SLC25A12: variants seen among roughly 807,000 people sequenced by gnomAD.
SLC25A12 encodes electrogenic aspartate/glutamate antiporter SLC25A12, mitochondrial.
A neutral mutation model predicts 83.3 loss-of-function variants in SLC25A12; 32 were observed. The observed-to-expected ratio is 0.38, with a 90% CI of 0.29 to 0.52. The LOEUF (loss-of-function observed/expected upper bound fraction) is 0.52, where lower values mean the gene tolerates loss of function less well. Among genes scored for constraint, SLC25A12 ranks in the 20% least tolerant of loss-of-function variants. The pLI, the probability that SLC25A12 is intolerant of heterozygous loss-of-function variation, is 0.84. For synonymous variants in SLC25A12, 267 were observed against 291.1 expected (o/e 0.92, Z 0.84); for missense variants, 611 against 835.6 (o/e 0.73, Z 3.31).
At chr2:171,807,446 CT>C (rs1441447543) in intron 13 of SLC25A12, among the ~76,000 whole-genome samples, 4 of 152,190 alleles carry the variant, frequency 2.6e-5, no homozygotes, top group Non-Finnish European at 5.9e-5. Context: ...GGTTTAACCA[CT>C]TAGGTCACAT....
intron 2 of SLC25A12, among the ~76,000 whole-genome samples, chr2:171,881,444 C>T (rs1685692930): frequency 6.6e-6 from 1 of 151,592 alleles, no homozygotes; most frequent in Non-Finnish European, 1.5e-5. Context: ...TCGCGCCCGG[C>T]CAAAACCCCA....
intron 8 of SLC25A12, among the ~76,000 whole-genome samples, chr2:171,830,549 T>A (rs1193481554): frequency 1.3e-5 from 2 of 152,154 alleles, no homozygotes; most frequent in Non-Finnish European, 1.5e-5. Context: ...AATCTCATAA[T>A]GTTGCCCAGG....
At chr2:171,892,232 CTT>C (rs11442059) in intron 2 of SLC25A12, among the ~76,000 whole-genome samples, 4 of 146,352 alleles carry the variant, frequency 2.7e-5, no homozygotes, top group African/African-American at 2.5e-5. Flanking sequence ...TTTACATCTA[CTT>C]TTTTTTTTTT....
At chr2:171,876,769 A>G (rs1197419985) in intron 2 of SLC25A12, among the ~76,000 whole-genome samples, 1 of 152,200 alleles carries the variant, frequency 6.6e-6, no homozygotes, top group African/African-American at 2.4e-5. Flanking sequence ...CAAAGGATGA[A>G]CTAAAATGAC....
At chr2:171,855,373 A>AAT (rs1685025119) in intron 4 of SLC25A12, among the ~76,000 whole-genome samples, 2 of 1,190 alleles carry the variant, frequency 1.7e-3, no homozygotes, top group Non-Finnish European at 8.5e-3. Flanking sequence ...AGGTTCAGAG[A>AAT]ACACTAATTT....
At chr2:171,864,527 C>G (rs923729733) in intron 3 of SLC25A12, among the ~76,000 whole-genome samples, 1 of 152,316 alleles carries the variant, frequency 6.6e-6, no homozygotes, top group East Asian at 1.9e-4. Context: ...CCCCCAGCAA[C>G]AAAGCAATGC....
intron 14 of SLC25A12, among the ~76,000 whole-genome samples, chr2:171,792,453 AT>A (rs1016298551): frequency 1.3e-5 from 2 of 149,672 alleles, no homozygotes; most frequent in Admixed American, 6.6e-5. Flanking sequence ...GTGCCGGCTA[AT>A]TTTTTCTTTC....
intron 15 of SLC25A12, among the ~76,000 whole-genome samples, chr2:171,791,178 G>C (rs1683445659): frequency 1.3e-5 from 2 of 152,132 alleles, no homozygotes; most frequent in South Asian, 4.1e-4. Context: ...AGGAAACTAA[G>C]AAACATGTTA....
intron 9 of SLC25A12, among the ~76,000 whole-genome samples, chr2:171,819,111 A>G (rs1314898822): frequency 1.4e-5 from 2 of 140,330 alleles, no homozygotes; most frequent in Non-Finnish European, 3.0e-5. Flanking sequence ...TACATAAAAT[A>G]TATATATAAT....
intron 2 of SLC25A12, among the ~76,000 whole-genome samples, chr2:171,879,410 C>T (rs1373613049): frequency 6.6e-6 from 1 of 152,154 alleles, no homozygotes; most frequent in African/African-American, 2.4e-5. Flanking sequence ...CTATAGTAAG[C>T]CCTACTGTCA....
intron 4 of SLC25A12, among the ~76,000 whole-genome samples, chr2:171,851,926 T>C (rs1300289961): frequency 6.6e-6 from 1 of 152,196 alleles, no homozygotes; most frequent in Non-Finnish European, 1.5e-5. Flanking sequence ...CTAATAGTAC[T>C]GAACAGGATC....
intron 13 of SLC25A12, 24 bp downstream of exon 13, chr2:171,809,582 G>A: frequency 6.4e-7 from 1 of 1,574,570 alleles, no homozygotes; most frequent in South Asian, 1.1e-5. Flanking sequence ...TTTGTCACAA[G>A]AAGCGCCTAA....
intron 3 of SLC25A12, among the ~76,000 whole-genome samples, chr2:171,863,617 C>T (rs1400534227): frequency 2.0e-5 from 3 of 151,810 alleles, no homozygotes; most frequent in African/African-American, 7.3e-5. Context: ...AGAAGATACA[C>T]TACTGAGATA....
chr2:171,831,465 G>T (rs1453729839), intron 8 of SLC25A12, among the ~76,000 whole-genome samples: 1 of 152,176 alleles, frequency 6.6e-6, no homozygotes. Flanking sequence ...ATGAAGAAAA[G>T]AAATTTTATA....
At chr2:171,876,545 G>T (rs866097986) in intron 2 of SLC25A12, among the ~76,000 whole-genome samples, 11 of 68,408 alleles carry the variant, frequency 1.6e-4, no homozygotes, top group East Asian at 7.7e-4. Flanking sequence ...TTTTTTTTTG[G>T]GGGGGGGGGG....
At position 171,887,887 on chromosome 2, in the gene SLC25A12, G is replaced by A. The variant is rs116664193; in HGVS notation, c.66+5318C>T. On this transcript the variant is annotated intron_variant, in intron 2 of 17. Transcript: ENST00000422440. ...AATCTTAGTGCATACTGTTGTTGTT[G>A]ATGTTTTTTAACTAATAGAAACATA... Among the ~76,000 whole-genome samples the A allele has an allele frequency of 4.2e-3, 639 of 152,196 alleles. 2 individuals carry two copies. Among genetic ancestry groups the A allele is most frequent in the African/African-American group, 0.015 (611 of 41,524 alleles).
intron 9 of SLC25A12, among the ~76,000 whole-genome samples, chr2:171,820,627 C>G (rs1684167614): frequency 7.3e-6 from 1 of 137,700 alleles, no homozygotes; most frequent in Admixed American, 7.3e-5. Flanking sequence ...GCTTGGGAGG[C>G]TGAGGCAGGA....
intron 13 of SLC25A12, among the ~76,000 whole-genome samples, chr2:171,800,259 C>CT (rs1180335797): frequency 6.6e-6 from 1 of 151,770 alleles, no homozygotes; most frequent in Admixed American, 6.6e-5. Flanking sequence ...GTATAAACAA[C>CT]TTTTACAATT....
intron 9 of SLC25A12, among the ~76,000 whole-genome samples, chr2:171,819,624 A>G (rs1378299570): frequency 6.6e-6 from 1 of 151,074 alleles, no homozygotes; most frequent in Non-Finnish European, 1.5e-5. Context: ...ACTAATAAAT[A>G]ATAGCTAATA....
Sources: gnomAD v4.1 joint callset for allele counts (sites outside exome capture counted in the v4.1 genomes callset) on GRCh38, gnomAD v4.1.1 for gene constraint, MANE v1.5 for transcripts, NCBI Gene and HGNC (gene_info 2026-07-23, HGNC 2026-07-21) for gene names.